Variants in ZNF451 observed in about 807,000 individuals in gnomAD.
ZNF451 encodes the protein zinc finger protein 451.
Under a neutral mutation model 107.1 loss-of-function variants are expected in ZNF451, and 80 were observed. The observed-to-expected ratio is 0.75, with a 90% CI of 0.62 to 0.90. The LOEUF is 0.90. ZNF451 is among the 40% of genes least tolerant of loss of function. The probability of loss-of-function intolerance (pLI) is 0.00; values close to 1 mark genes in which losing one functional copy is unlikely to be tolerated. For synonymous variants in ZNF451, 362 were observed against 406.5 expected, an observed-to-expected ratio of 0.89 and a Z score of 1.32; for missense variants, 1,107 against 1,236.2, an observed-to-expected ratio of 0.90 and a Z score of 1.57.
rs923314314 is a variant in ZNF451 at position 57,154,415 on chromosome 6, C to T, written c.3070+368C>T. ...ACCTTCAGTTTTTTAGAAAGCAGTG[C>T]GCTTAGAGGTGAAAACCAGAAAGCA... On this transcript the variant is annotated intron_variant, in intron 13 of 14. Coordinates refer to ENST00000370706, the MANE Select transcript of ZNF451 (RefSeq NM_001031623.3). 19 of 364,128 alleles carry T rather than the reference C, an allele frequency of 5.2e-5. No individual in the cohort carries two copies. The South Asian group carries it at 5.8e-4, about 11-fold the overall frequency. 22.6% of individuals were successfully genotyped at this position (364,128 alleles called of 1,614,324 possible).
intron 9 of ZNF451, among the ~76,000 whole-genome samples, chr6:57,145,000 T>C (rs1831989441): frequency 6.6e-6 from 1 of 152,232 alleles, no homozygotes; most frequent in African/African-American, 2.4e-5. Context: ...GTATTTAATT[T>C]ATAAACATTT....
intron 3 of ZNF451, chr6:57,102,171 G>A: frequency 7.0e-7 from 1 of 1,438,752 alleles, no homozygotes; most frequent in Non-Finnish European, 9.1e-7. Context: ...GTACAAATAG[G>A]ATCTACAGGT....
intron 7 of ZNF451, among the ~76,000 whole-genome samples, chr6:57,135,139 GCT>G (rs905098694): frequency 3.9e-5 from 6 of 152,142 alleles, no homozygotes; most frequent in African/African-American, 1.4e-4. Context: ...TGTTCAAGAT[GCT>G]CTGAGTGAGT....
At chr6:57,141,847 T>G (rs2127974560) in intron 8 of ZNF451, 101 bp from the exon 9 acceptor site, 1 of 1,026,174 alleles carries the variant, frequency 9.7e-7, no homozygotes, top group East Asian at 2.6e-5. Flanking sequence ...ACTGTCTTCT[T>G]TTACTTACTC....
intron 3 of ZNF451, chr6:57,109,118 C>T: frequency 1.0e-6 from 1 of 985,416 alleles, no homozygotes; most frequent in Non-Finnish European, 1.2e-6. Flanking sequence ...TCACTTGTCA[C>T]ATCAGGAACC....
chr6:57,153,638 C>T (rs913280153), intron 12 of ZNF451, among the ~76,000 whole-genome samples: 8 of 152,122 alleles, frequency 5.3e-5, no homozygotes, highest in Non-Finnish European at 8.8e-5. Context: ...GTCTCGAACT[C>T]CTGACCTCAA....
chr6:57,108,664 G>T (rs1163337813), intron 3 of ZNF451: 3 of 985,196 alleles, frequency 3.0e-6, no homozygotes, highest in African/African-American at 1.7e-5. Flanking sequence ...TTCTTTAATG[G>T]CTTGGAACAG....
rs190848517 is a variant in ZNF451, at chr6:57,121,322, A to G, written c.187-3412A>G. On this transcript the variant is annotated intron_variant, in intron 3 of 14. Coordinates refer to ENST00000370706, the MANE Select transcript of ZNF451 (RefSeq NM_001031623.3). Reference sequence around the variant, plus strand: ...TTTGAAGTCAGTTAGTGTCAGTCCTATGACTTTGTTCTCCTTCAGTACTGA... The same window carrying G: ...TTTGAAGTCAGTTAGTGTCAGTCCTGTGACTTTGTTCTCCTTCAGTACTGA... 3.6e-4 allele frequency among the ~76,000 whole-genome samples: 55 copies of G among 152,250 alleles called. No homozygotes were observed. In the East Asian group the frequency reaches 5.2e-3, roughly 14 times the overall value.
At chr6:57,120,159 G>A (rs1830570814) in intron 3 of ZNF451, among the ~76,000 whole-genome samples, 1 of 152,154 alleles carries the variant, frequency 6.6e-6, no homozygotes, top group African/African-American at 2.4e-5. Context: ...AATGTGATAT[G>A]TGGCCATACA....
chr6:57,115,863 A>C (rs952321488), intron 3 of ZNF451, among the ~76,000 whole-genome samples: 2 of 152,208 alleles, frequency 1.3e-5, no homozygotes, highest in African/African-American at 4.8e-5. Context: ...TGTTTTATTT[A>C]AAGACATTAG....
chr6:57,151,498 G>T (rs887696907), intron 11 of ZNF451: 1 of 151,536 alleles, frequency 6.6e-6, no homozygotes, highest in Non-Finnish European at 1.5e-5. Flanking sequence ...GATTATTATG[G>T]TTTTATCCCT....
At chr6:57,137,494 C>A (rs1422652983) in intron 7 of ZNF451, among the ~76,000 whole-genome samples, 1 of 152,146 alleles carries the variant, frequency 6.6e-6, no homozygotes, top group Non-Finnish European at 1.5e-5. Flanking sequence ...TTCTAACAAG[C>A]TTTTAGGTGA....
intron 3 of ZNF451, chr6:57,108,966 T>A: frequency 2.0e-6 from 2 of 985,446 alleles, no homozygotes; most frequent in Non-Finnish European, 2.4e-6. Context: ...CCATGTGTTT[T>A]TCAAAGCCCC....
intron 13 of ZNF451, among the ~76,000 whole-genome samples, chr6:57,160,049 G>T (rs970670664): frequency 6.6e-6 from 1 of 152,090 alleles, no homozygotes; most frequent in African/African-American, 2.4e-5. Flanking sequence ...TTAGGTCATT[G>T]ATAGTACAAT....
chr6:57,151,557 C>T (rs1832351600), intron 11 of ZNF451, among the ~76,000 whole-genome samples: 1 of 151,278 alleles, frequency 6.6e-6, no homozygotes. Context: ...TGTTTTTTTT[C>T]CCTCAAAGTT....
intron 3 of ZNF451, chr6:57,105,485 G>C: frequency 2.0e-6 from 2 of 985,132 alleles, no homozygotes; most frequent in Non-Finnish European, 2.4e-6. Flanking sequence ...ATTTAATCTT[G>C]TAGTTTATCA....
rs1491249006 is a variant in ZNF451, at chr6:57,138,789, A to AT, written c.703-2513_703-2512insT. Among the ~76,000 whole-genome samples the AT allele has an allele frequency of 5.6e-3, 384 of 69,052 alleles. 4 individuals carry two copies. Among genetic ancestry groups the AT allele is most frequent in the Non-Finnish European group, 8.8e-3 (266 of 30,154 alleles). The allele number at this position is 69,052 out of a possible 152,430, so 45.3% of individuals were successfully genotyped here. A position where few individuals can be genotyped will look rare whatever the true frequency, so the allele number is the denominator to read the frequency against. On this transcript the variant is annotated intron_variant, in intron 7 of 14. Coordinates refer to ENST00000370706, the MANE Select transcript of ZNF451 (RefSeq NM_001031623.3). ...TGTGTGTGTGTGTATATATATATAT[A>AT]AAATTTTTTTTTTTTTTTTGAGAGA...
At chr6:57,101,146 G>A (rs1246691526) in intron 3 of ZNF451, 2 of 1,550,740 alleles carry the variant, frequency 1.3e-6, no homozygotes, top group Admixed American at 2.0e-5. Flanking sequence ...ATCACCATCA[G>A]CTGATGACAA....
rs533994089 is a variant in ZNF451 at position 57,148,868 on chromosome 6, A to G, written c.2608+175A>G. Among the ~76,000 whole-genome samples the G allele has an allele frequency of 1.1e-4, 17 of 152,312 alleles. No individual in the cohort carries two copies. In the East Asian group the frequency reaches 3.3e-3, roughly 29 times the overall value. The stretch of plus-strand genomic sequence containing the variant: ...CTACTACTACATTTATCCACTTTCT[A>G]AACTTACGAGGACAGAGTATATGTT... On this transcript the variant is annotated intron_variant, in intron 10 of 14. Coordinates refer to ENST00000370706, the MANE Select transcript of ZNF451 (RefSeq NM_001031623.3).
Sources: gnomAD v4.1 joint callset for allele counts (sites outside exome capture counted in the v4.1 genomes callset) on GRCh38, gnomAD v4.1.1 for gene constraint, MANE v1.5 for transcripts, NCBI Gene and HGNC (gene_info 2026-07-23, HGNC 2026-07-21) for gene names.